Variants in CPSF2 observed in about 807,000 individuals in gnomAD.
CPSF2 encodes the protein cleavage and polyadenylation specific factor 2.
Under a neutral mutation model 84.2 loss-of-function variants are expected in CPSF2, and 51 were observed. The ratio of observed to expected loss-of-function variants is 0.61; its 90% confidence interval spans 0.48 to 0.77. The LOEUF is 0.77. Among genes scored for constraint, CPSF2 ranks in the 30% least tolerant of loss-of-function variants. CPSF2 has a pLI of 0.00. For missense variants in CPSF2, 641 were observed against 929.4 expected (o/e 0.69, Z 4.03); for synonymous variants, 286 against 311.9 (o/e 0.92, Z 0.87).
chr14:92,164,240 A>G lies in CPSF2; in HGVS notation c.*2496A>G, dbSNP rs753360290. ...ATTCTTTATAGCAGTGTGAGAACAG[A>G]CTAATATGAATACCAATACTGAAAA... On this transcript the variant is annotated 3_prime_UTR_variant, in exon 16 of 16. Coordinates refer to ENST00000298875, the MANE Select transcript of CPSF2 (RefSeq NM_017437.3). 1 of 152,234 alleles carries G rather than the reference A, an allele frequency of 6.6e-6. No homozygotes were observed. The highest frequency in any genetic ancestry group is 1.5e-5 in the Non-Finnish European group (1 of 68,038). The allele number at this position is 152,234 out of a possible 1,614,324, so 9.4% of individuals were successfully genotyped here.
intron 9 of CPSF2, among the ~76,000 whole-genome samples, chr14:92,146,173 A>C (rs528765197): frequency 6.6e-6 from 1 of 152,302 alleles, no homozygotes; most frequent in Non-Finnish European, 1.5e-5. Flanking sequence ...GAAATAGAAT[A>C]TTTCTGTGGC....
intron 1 of CPSF2, among the ~76,000 whole-genome samples, chr14:92,123,041 A>C (rs1213100948): frequency 6.6e-6 from 1 of 151,326 alleles, no homozygotes; most frequent in Non-Finnish European, 1.5e-5. Context: ...AGCCTTCCCC[A>C]CTCAGTGAGC....
At chr14:92,144,082 T>C (rs72691127) in intron 9 of CPSF2, among the ~76,000 whole-genome samples, 6,664 of 152,280 alleles carry the variant, frequency 0.044, 214 homozygotes, top group Non-Finnish European at 0.065. Context: ...TAGCTACTTA[T>C]CTTCCATTTG....
intron 1 of CPSF2, among the ~76,000 whole-genome samples, chr14:92,123,869 G>C (rs865897015): frequency 1.3e-5 from 2 of 152,212 alleles, no homozygotes; most frequent in South Asian, 2.1e-4. Context: ...GATATACAAA[G>C]ATGATCACTT....
chr14:92,132,180 G>A (rs2068940810), intron 3 of CPSF2, among the ~76,000 whole-genome samples: 1 of 151,780 alleles, frequency 6.6e-6, no homozygotes, highest in Non-Finnish European at 1.5e-5. Context: ...TGTTGCCCAA[G>A]CTGGAGTGCA....
rs375915984 is a variant in CPSF2 at position 92,161,775 on chromosome 14, C to A, written c.*31C>A. 7.9e-7 allele frequency: 1 copy of A among 1,260,800 alleles called. No homozygotes were observed. Among genetic ancestry groups the A allele is most frequent in the South Asian group, 1.4e-5 (1 of 69,916 alleles). The allele number at this position is 1,260,800 out of a possible 1,614,324, so 78.1% of individuals were successfully genotyped here. On this transcript the variant is annotated 3_prime_UTR_variant, in exon 16 of 16. Coordinates refer to ENST00000298875, the MANE Select transcript of CPSF2 (RefSeq NM_017437.3). ...ATGATGTCAAGAAGTATCTGCTTGA[C>A]CTTTCTAAGAAAAAGGGATTCTTAT...
chr14:92,138,095 A>G, intron 6 of CPSF2, 137 bp from the exon 7 acceptor site: 2 of 435,656 alleles, frequency 4.6e-6, no homozygotes, highest in Non-Finnish European at 8.3e-6. Flanking sequence ...TGGATTTCTT[A>G]TCAATGAGCA....
chr14:92,156,754 A>AAATTT (rs3993900), intron 12 of CPSF2, 123 bp downstream of exon 12: 272,996 of 605,212 alleles, frequency 0.45, 72,322 homozygotes, highest in East Asian at 0.99. Context: ...TGTGCTTTTA[A>AAATTT]AATTTATTTT....
In CPSF2 at chr14:92,143,310, T is replaced by G; in HGVS notation, c.1140+16T>G. The G allele has an allele frequency of 6.6e-7, 1 of 1,524,558 alleles. No individual in the cohort carries two copies. The highest frequency in any genetic ancestry group is 9.0e-7 in the Non-Finnish European group (1 of 1,115,272). The allele number at this position is 1,524,558 out of a possible 1,614,324, so 94.4% of individuals were successfully genotyped here. On this transcript the variant is annotated intron_variant, in intron 9 of 15. Coordinates refer to ENST00000298875, the MANE Select transcript of CPSF2 (RefSeq NM_017437.3). ...AGAAATAGAGGTAAGCACTTGTATGTGAACTTTATCTTAAAACTGTTTGGG... is the reference window on the plus strand; with the variant it reads ...AGAAATAGAGGTAAGCACTTGTATGGGAACTTTATCTTAAAACTGTTTGGG...
intron 2 of CPSF2, among the ~76,000 whole-genome samples, chr14:92,130,195 C>A (rs1277949717): frequency 6.6e-6 from 1 of 152,080 alleles, no homozygotes; most frequent in Admixed American, 6.6e-5. Context: ...TGCTCACATT[C>A]CAATGCAAGG....
Position 92,152,620 on chromosome 14 carries a change from G to A in CPSF2, c.1141-1738G>A, listed in dbSNP as rs547076837. 1.5e-4 allele frequency among the ~76,000 whole-genome samples: 22 copies of A among 151,510 alleles called. 2 individuals carry two copies. The highest frequency in any genetic ancestry group is 4.8e-4 in the African/African-American group (20 of 41,260). On this transcript the variant is annotated intron_variant, in intron 9 of 15. Transcript: ENST00000298875. ...TGCCTGGCTACTTTTTATATTTATA[G>A]TAGAGACGGGGTTTCACCATGTTGG... is the stretch of plus-strand genomic sequence containing the variant.
In CPSF2 at chr14:92,168,479, C is replaced by G. The variant is rs1313462472; in HGVS notation, c.*6735C>G. On this transcript the variant is annotated 3_prime_UTR_variant, in exon 16 of 16. Transcript: ENST00000298875. ...TTGGCTTTTCCCTTTTCCTCCCCACCACTATACGCACATGCACACACAGCT... is the reference window on the plus strand; with the variant it reads ...TTGGCTTTTCCCTTTTCCTCCCCACGACTATACGCACATGCACACACAGCT... The G allele has an allele frequency of 1.3e-4, 20 of 152,156 alleles. No individual in the cohort carries two copies. Among genetic ancestry groups the G allele is most frequent in the Admixed American group, 1.3e-3 (20 of 15,276 alleles). 9.4% of individuals were successfully genotyped at this position (152,156 alleles called of 1,614,324 possible).
chr14:92,135,233 A>G (rs562890303), intron 5 of CPSF2, 134 bp from the exon 6 acceptor site: 5 of 694,532 alleles, frequency 7.2e-6, no homozygotes, highest in South Asian at 6.0e-5. Context: ...TGCTTTCACT[A>G]TATGCATTTT....
chr14:92,134,007 G>A lies in CPSF2; in HGVS notation c.150-4G>A, dbSNP rs112826586. ...AAGTAGTCCTTTGGATTGTGTTCTT[G>A]TAGGCATGTTCACCAGATTGATGCA... On this transcript the variant is annotated splice_region_variant and splice_polypyrimidine_tract_variant and intron_variant, in intron 3 of 15. Coordinates refer to ENST00000298875, the MANE Select transcript of CPSF2 (RefSeq NM_017437.3). 1.1e-5 allele frequency: 17 copies of A among 1,613,714 alleles called. No individual in the cohort carries two copies. The highest frequency in any genetic ancestry group is 1.4e-5 in the Non-Finnish European group (17 of 1,179,912).
intron 9 of CPSF2, among the ~76,000 whole-genome samples, chr14:92,148,405 T>G (rs1359233139): frequency 6.6e-6 from 1 of 152,180 alleles, no homozygotes; most frequent in African/African-American, 2.4e-5. Context: ...CTGTGTTACA[T>G]CCATTGAAAT....
In CPSF2 at chr14:92,155,465, A is replaced by G. The variant is rs1022449394; in HGVS notation, c.1442+142A>G. On this transcript the variant is annotated intron_variant, in intron 11 of 15. Transcript: ENST00000298875. ...AGCTTCTGAGTACCTCAGCCTGAAG[A>G]CACAGAAGACTTGTAACTTGAAACA... The G allele has an allele frequency of 1.9e-5, 12 of 645,474 alleles. No homozygotes were observed. The African/African-American group carries it at 2.2e-4, about 12-fold the overall frequency. 40.0% of individuals were successfully genotyped at this position (645,474 alleles called of 1,614,324 possible).
chr14:92,152,516 G>A (rs1234205936), intron 9 of CPSF2, among the ~76,000 whole-genome samples: 1 of 151,914 alleles, frequency 6.6e-6, no homozygotes, highest in Non-Finnish European at 1.5e-5. Context: ...ATGGCTCACT[G>A]CAGTTTCCGC....
Position 92,132,133 on chromosome 14 carries a change from TTTA to T in CPSF2, c.149+1009_149+1011del, listed in dbSNP as rs969169465. 1.4e-4 allele frequency among the ~76,000 whole-genome samples: 22 copies of T among 152,106 alleles called. No individual in the cohort carries two copies. The East Asian group carries it at 2.1e-3, about 15-fold the overall frequency. The stretch of plus-strand genomic sequence containing the variant: ...TTAATAATTTCTGAAATTCTTCTCT[TTTA>T]TTATTATTTTTTTTTGAGATGGAGT... On this transcript the variant is annotated intron_variant, in intron 3 of 15. Transcript: ENST00000298875.
chr14:92,135,389 C>G lies in CPSF2; in HGVS notation c.438C>G (p.Ile146Met), dbSNP rs983081687. The G allele has an allele frequency of 1.9e-6, 3 of 1,613,130 alleles. No homozygotes were observed. Among genetic ancestry groups the G allele is most frequent in the Non-Finnish European group, 2.5e-6 (3 of 1,179,542 alleles). Reference protein sequence around the residue: ...NLKGKGHGLSITPLPAGHMIG... With the variant: ...NLKGKGHGLSMTPLPAGHMIG... ...TAGGTAAAGGACATGGCCTGTCTAT[C>G]ACACCTCTGCCAGCTGGTCATATGA... The change falls in exon 6 of 16, where the codon ATC becomes ATG. Residue 146 changes from isoleucine to methionine, a missense_variant. This residue lies in a region of CPSF2 where 211 missense variants were observed against 375.7 expected (regional missense o/e 0.56). Coordinates refer to ENST00000298875, the MANE Select transcript of CPSF2 (RefSeq NM_017437.3).
Sources: gnomAD v4.1 joint callset for allele counts (sites outside exome capture counted in the v4.1 genomes callset) on GRCh38, gnomAD v4.1.1 for gene constraint, gnomAD v4.1.1 regional missense constraint, MANE v1.5 for transcripts, NCBI Gene and HGNC (gene_info 2026-07-23, HGNC 2026-07-21) for gene names.